The following TRHDE variants were observed in gnomAD, a reference collection of about 807,000 sequenced individuals.
The protein encoded by TRHDE is thyrotropin releasing hormone degrading enzyme, also known as thyrotropin-releasing hormone-degrading ectoenzyme.
A neutral mutation model predicts 125.7 loss-of-function variants in TRHDE; 72 were observed. The ratio of observed to expected loss-of-function variants is 0.57; its 90% CI spans 0.47 to 0.70. The LOEUF is 0.70. TRHDE is among the 30% of genes least tolerant of loss of function. The probability of loss-of-function intolerance (pLI) is 0.00; values close to 1 mark genes in which losing one functional copy is unlikely to be tolerated. For missense variants in TRHDE, 1,110 were observed against 1,327.1 expected (o/e 0.84, Z 2.54); for synonymous variants, 509 against 509.1 (o/e 1.00, Z 0.00).
intron 12 of TRHDE, among the ~76,000 whole-genome samples, chr12:72,589,626 T>C (rs905209669): frequency 2.6e-5 from 4 of 152,204 alleles, no homozygotes; most frequent in African/African-American, 9.6e-5. Flanking sequence ...GTTCAAATTT[T>C]GTTTCTTCTT....
intron 17 of TRHDE, among the ~76,000 whole-genome samples, chr12:72,654,795 C>A (rs1317874163): frequency 6.6e-6 from 1 of 151,582 alleles, no homozygotes; most frequent in Non-Finnish European, 1.5e-5. Context: ...TTTTTGTGAC[C>A]ACTTCCCCAG....
intron 2 of TRHDE, among the ~76,000 whole-genome samples, chr12:72,154,185 T>G (rs995565982): frequency 8.5e-5 from 13 of 152,178 alleles, no homozygotes; most frequent in South Asian, 4.1e-4. Context: ...TTTGTTGGTT[T>G]AAAGTCTGTT....
At chr12:72,201,027 G>C (rs186851331) in intron 2 of TRHDE, among the ~76,000 whole-genome samples, 35 of 152,218 alleles carry the variant, frequency 2.3e-4, no homozygotes, top group Non-Finnish European at 4.4e-5. Flanking sequence ...ATTGCTAGGG[G>C]TAAAATTCTG....
At chr12:72,567,156 G>GTATT (rs1457621005) in intron 9 of TRHDE, among the ~76,000 whole-genome samples, 5 of 134,248 alleles carry the variant, frequency 3.7e-5, no homozygotes, top group Admixed American at 7.0e-5. Context: ...AAGCTTGGAA[G>GTATT]TATTTGTTAA....
At position 72,273,357 on chromosome 12, in the gene TRHDE, G is replaced by T. The variant is rs752829128; in HGVS notation, c.714G>T (p.Gln238His). Residue 238 changes from glutamine to histidine, a missense_variant, in exon 1 of 19, where the codon CAG becomes CAT. By Grantham distance (24) the Gln-to-His change is conservative. This residue lies in a region of TRHDE where 72 missense variants were observed against 122.2 expected (regional missense o/e 0.59). Coordinates refer to ENST00000261180, the MANE Select transcript of TRHDE (RefSeq NM_013381.3). The surrounding 1 kb of genome is among the most constrained non-coding windows in gnomAD (Gnocchi z 5.3). ...HASRVAVEKV[Q>H]LAEDRAFGAV... ...CCCGAGTGGCGGTGGAGAAAGTGCA[G>T]CTGGCCGAGGACCGGGCGTTCGGGG... 1.9e-6 allele frequency: 3 copies of T among 1,614,134 alleles called. No individual in the cohort carries two copies. The South Asian group carries it at 3.3e-5, about 18-fold the overall frequency.
At chr12:72,390,092 C>T (rs568314671) in intron 3 of TRHDE, among the ~76,000 whole-genome samples, 6 of 152,274 alleles carry the variant, frequency 3.9e-5, no homozygotes, top group Admixed American at 2.0e-4. Context: ...AAACTATGAG[C>T]TTTGTTTTGT....
intron 2 of TRHDE, among the ~76,000 whole-genome samples, chr12:72,307,948 C>T (rs954511834): frequency 1.3e-5 from 2 of 152,042 alleles, no homozygotes; most frequent in Admixed American, 1.3e-4. Flanking sequence ...AATCAGATAC[C>T]TTATGGTTAA....
At chr12:72,464,407 C>T (rs544030502) in intron 3 of TRHDE, among the ~76,000 whole-genome samples, 2 of 152,258 alleles carry the variant, frequency 1.3e-5, no homozygotes, top group East Asian at 3.9e-4. Context: ...GGTCTGCTCT[C>T]TGCTTTCAAG....
At chr12:72,475,260 T>C (rs1191200697) in intron 5 of TRHDE, among the ~76,000 whole-genome samples, 1 of 152,184 alleles carries the variant, frequency 6.6e-6, no homozygotes, top group Non-Finnish European at 1.5e-5. Flanking sequence ...TTTAAATTTC[T>C]CATTTAATTT....
intron 3 of TRHDE, among the ~76,000 whole-genome samples, chr12:72,460,474 C>G (rs906082087): frequency 2.6e-5 from 4 of 152,084 alleles, no homozygotes; most frequent in Non-Finnish European, 5.9e-5. Flanking sequence ...TTTTTAAGCT[C>G]CATGAAAATT....
chr12:72,337,243 TC>T (rs1869869122), intron 2 of TRHDE, among the ~76,000 whole-genome samples: 1 of 152,140 alleles, frequency 6.6e-6, no homozygotes, highest in Admixed American at 6.6e-5. Flanking sequence ...AGAGGTCTTT[TC>T]CTTCTGCTCC....
chr12:72,568,690 G>A (rs766386472), intron 10 of TRHDE, 34 bp downstream of exon 10: 2 of 1,457,486 alleles, frequency 1.4e-6, no homozygotes, highest in Non-Finnish European at 1.9e-6. Context: ...GGAAGTATCT[G>A]GTTTCAGATA....
chr12:72,406,896 A>G (rs920741815), intron 3 of TRHDE, among the ~76,000 whole-genome samples: 1 of 152,238 alleles, frequency 6.6e-6, no homozygotes. Context: ...ATGACAAATG[A>G]TATCAAAGTG....
chr12:72,545,467 A>T (rs1869372691), intron 7 of TRHDE, among the ~76,000 whole-genome samples: 1 of 151,634 alleles, frequency 6.6e-6, no homozygotes, highest in Admixed American at 6.6e-5. Context: ...ATCTAGGATT[A>T]CTTTAATGCA....
At chr12:72,629,335 G>A (rs1381008984) in intron 15 of TRHDE, among the ~76,000 whole-genome samples, 1 of 151,552 alleles carries the variant, frequency 6.6e-6, no homozygotes, top group Non-Finnish European at 1.5e-5. Context: ...TTTTTTGAAG[G>A]TGATGTGATT....
At chr12:72,199,011 C>T (rs1034956162) in intron 2 of TRHDE, among the ~76,000 whole-genome samples, 13 of 152,052 alleles carry the variant, frequency 8.5e-5, no homozygotes, top group Non-Finnish European at 1.6e-4. Context: ...AATCAGATCT[C>T]GTGAGAACAC....
intron 15 of TRHDE, among the ~76,000 whole-genome samples, chr12:72,625,462 GAAAA>G (rs200930973): frequency 3.4e-5 from 5 of 149,130 alleles, no homozygotes; most frequent in African/African-American, 1.2e-4. Context: ...TTTTGAAACC[GAAAA>G]AAAAAGTCAA....
chr12:72,312,094 G>A (rs1310399889), intron 2 of TRHDE, among the ~76,000 whole-genome samples: 2 of 152,110 alleles, frequency 1.3e-5, no homozygotes, highest in African/African-American at 2.4e-5. Context: ...TGAGAAGTAG[G>A]TACTGTTATC....
intron 3 of TRHDE, among the ~76,000 whole-genome samples, chr12:72,393,451 A>G (rs995057167): frequency 1.3e-5 from 2 of 152,188 alleles, no homozygotes; most frequent in African/African-American, 4.8e-5. Context: ...TGAGAAATGC[A>G]GGGTGTGGGA....
Sources: gnomAD v4.1 joint callset for allele counts (sites outside exome capture counted in the v4.1 genomes callset) on GRCh38, gnomAD v4.1.1 for gene constraint, gnomAD v4.1.1 regional missense constraint, Gnocchi (gnomAD v3.1) non-coding constraint, MANE v1.5 for transcripts, NCBI Gene and HGNC (gene_info 2026-07-23, HGNC 2026-07-21) for gene names.